Variants in SEMA5A observed in about 807,000 individuals in gnomAD.
SEMA5A encodes semaphorin-5A.
In SEMA5A, 55 loss-of-function variants were observed where a neutral mutation model predicts 135.5. That is an observed-to-expected ratio of 0.41 (90% confidence interval 0.33 to 0.51). The LOEUF is 0.51. Among genes scored for constraint, SEMA5A ranks in the 20% least tolerant of loss-of-function variants. The pLI is 0.37. For missense variants in SEMA5A, 1,290 were observed against 1,419.9 expected (o/e 0.91, Z 1.47); for synonymous variants, 580 against 546.5 (o/e 1.06, Z -0.85).
chr5:9,484,007 A>G (rs964761078), intron 1 of SEMA5A, among the ~76,000 whole-genome samples: 1 of 152,184 alleles, frequency 6.6e-6, no homozygotes, highest in Non-Finnish European at 1.5e-5. Flanking sequence ...AGCTCATTCT[A>G]TATTCACAGA....
chr5:9,353,065 A>G (rs1350516262), intron 3 of SEMA5A, among the ~76,000 whole-genome samples: 1 of 4,708 alleles, frequency 2.1e-4, no homozygotes, highest in Non-Finnish European at 4.5e-4. Context: ...GAAAGGAAGG[A>G]AAGGAAAGGA....
At chr5:9,347,799 G>C (rs1753942839) in intron 3 of SEMA5A, among the ~76,000 whole-genome samples, 1 of 152,158 alleles carries the variant, frequency 6.6e-6, no homozygotes, top group African/African-American at 2.4e-5. Flanking sequence ...CTCTAAGCTA[G>C]ATCGTCGTCA....
In SEMA5A at chr5:9,080,468, A is replaced by G. The variant is rs60478819; in HGVS notation, c.2074-13822T>C. On this transcript the variant is annotated intron_variant, in intron 16 of 22. Transcript: ENST00000382496. ...GATGACAGGTTGATGGGTGCAGCAA[A>G]CCATCATGGCACATGTATACCTATG... Among the ~76,000 whole-genome samples, 1,213 of 151,962 alleles carry G rather than the reference A, an allele frequency of 8.0e-3. 13 individuals carry two copies. The highest frequency in any genetic ancestry group is 0.028 in the African/African-American group (1,149 of 41,402).
At chr5:9,062,582 C>T (rs1042528318) in intron 18 of SEMA5A, among the ~76,000 whole-genome samples, 1 of 152,196 alleles carries the variant, frequency 6.6e-6, no homozygotes, top group African/African-American at 2.4e-5. Flanking sequence ...CCTCCCAACT[C>T]AGCCTCCAGA....
At chr5:9,227,929 A>C (rs1747409096) in intron 6 of SEMA5A, among the ~76,000 whole-genome samples, 1 of 152,236 alleles carries the variant, frequency 6.6e-6, no homozygotes, top group African/African-American at 2.4e-5. Context: ...ATTTGGGACA[A>C]AACCCTAGGC....
intron 5 of SEMA5A, among the ~76,000 whole-genome samples, chr5:9,316,125 C>A (rs1355743295): frequency 3.9e-5 from 6 of 152,142 alleles, no homozygotes; most frequent in Non-Finnish European, 7.4e-5. Flanking sequence ...GTGTTATAAT[C>A]TACCTCTGGC....
chr5:9,088,741 G>T (rs1333914708), intron 16 of SEMA5A, among the ~76,000 whole-genome samples: 4 of 150,446 alleles, frequency 2.7e-5, no homozygotes, highest in Non-Finnish European at 5.9e-5. Flanking sequence ...TTTTGAACAG[G>T]TCATGGTGCC....
intron 5 of SEMA5A, among the ~76,000 whole-genome samples, chr5:9,294,346 T>C (rs2150592196): frequency 6.6e-6 from 1 of 152,278 alleles, no homozygotes; most frequent in Admixed American, 6.5e-5. Context: ...CCACTTTCCA[T>C]CCACATCATC....
intron 3 of SEMA5A, 120 bp downstream of exon 3, chr5:9,379,703 T>C: frequency 1.6e-6 from 2 of 1,217,448 alleles, no homozygotes; most frequent in Non-Finnish European, 1.1e-6. Flanking sequence ...TTTTAAACTG[T>C]GTCTGAAACA....
At chr5:9,487,136 A>G (rs1385715896) in intron 1 of SEMA5A, among the ~76,000 whole-genome samples, 2 of 152,212 alleles carry the variant, frequency 1.3e-5, no homozygotes, top group African/African-American at 4.8e-5. Flanking sequence ...TACAAGAACC[A>G]ATAAAACTTT....
intron 5 of SEMA5A, among the ~76,000 whole-genome samples, chr5:9,312,102 G>A (rs1413291173): frequency 2.0e-5 from 3 of 152,136 alleles, no homozygotes; most frequent in Non-Finnish European, 4.4e-5. Context: ...ATCTGCGGTA[G>A]GATCCCAGAT....
At position 9,545,792 on chromosome 5, in the gene SEMA5A, C is replaced by G. The variant is rs1010275783; in HGVS notation, c.-383G>C. ...CACGGTCCCCGAGCGCGCGGCCAAC[C>G]GGTGGGTGGGCAGGTTCGCGCCCAG... On this transcript the variant is annotated 5_prime_UTR_variant, in exon 1 of 23. Coordinates refer to ENST00000382496, the MANE Select transcript of SEMA5A (RefSeq NM_003966.3). The surrounding 1 kb of genome is among the most constrained non-coding windows in gnomAD (Gnocchi z 4.5). 1 of 152,374 alleles carries G rather than the reference C, an allele frequency of 6.6e-6. No individual in the cohort carries two copies. Among genetic ancestry groups the G allele is most frequent in the Non-Finnish European group, 1.5e-5 (1 of 68,208 alleles). The allele number at this position is 152,374 out of a possible 1,614,324, so 9.4% of individuals were successfully genotyped here.
intron 1 of SEMA5A, among the ~76,000 whole-genome samples, chr5:9,512,261 C>T (rs942065689): frequency 1.2e-4 from 18 of 152,344 alleles, no homozygotes; most frequent in African/African-American, 3.8e-4. Flanking sequence ...ACTTTAGCAA[C>T]AATCAAAATA....
In SEMA5A at chr5:9,223,063, C is replaced by A. The variant is rs1353357628; in HGVS notation, c.646+1611G>T. 2.6e-5 allele frequency among the ~76,000 whole-genome samples: 4 copies of A among 152,186 alleles called. No individual in the cohort carries two copies. In the East Asian group the frequency reaches 7.7e-4, roughly 29 times the overall value. ...AACATATGGAAAGAACAACTTGAAG[C>A]TGCACAGATGAAAGTTTCAGGGCCA... On this transcript the variant is annotated intron_variant, in intron 8 of 22. Coordinates refer to ENST00000382496, the MANE Select transcript of SEMA5A (RefSeq NM_003966.3).
intron 2 of SEMA5A, among the ~76,000 whole-genome samples, chr5:9,430,966 C>T (rs1757837131): frequency 6.6e-6 from 1 of 150,586 alleles, no homozygotes; most frequent in African/African-American, 2.4e-5. Flanking sequence ...AAAAAATAAA[C>T]AGCATAGAGG....
At chr5:9,398,968 C>T (rs1756527323) in intron 2 of SEMA5A, among the ~76,000 whole-genome samples, 1 of 152,178 alleles carries the variant, frequency 6.6e-6, no homozygotes, top group South Asian at 2.1e-4. Flanking sequence ...GTACCATCAT[C>T]ATCAAAGAAA....
chr5:9,200,844 AG>A (rs1745665540), intron 9 of SEMA5A, among the ~76,000 whole-genome samples: 1 of 152,212 alleles, frequency 6.6e-6, no homozygotes. Context: ...GAGATGAAAA[AG>A]TAAATTAAAA....
chr5:9,249,435 G>A (rs987212426), intron 5 of SEMA5A, among the ~76,000 whole-genome samples: 1 of 152,176 alleles, frequency 6.6e-6, no homozygotes, highest in Non-Finnish European at 1.5e-5. Context: ...TAATCTAGCT[G>A]AAGATGGTAT....
At chr5:9,136,148 T>C (rs757553308) in intron 13 of SEMA5A, among the ~76,000 whole-genome samples, 7 of 152,218 alleles carry the variant, frequency 4.6e-5, no homozygotes, top group African/African-American at 1.2e-4. Flanking sequence ...AAAAGAAATT[T>C]GTGGGTGTGG....
Sources: allele counts gnomAD v4.1 joint callset (sites outside exome capture counted in the v4.1 genomes callset), GRCh38; gene constraint gnomAD v4.1.1; non-coding constraint Gnocchi (gnomAD v3.1); transcripts MANE v1.5; gene names NCBI Gene and HGNC (gene_info 2026-07-23, HGNC 2026-07-21).